The following ADARB2 variants were observed in gnomAD, a reference collection of about 807,000 sequenced individuals.
ADARB2 encodes adenosine deaminase RNA specific B2 (inactive).
ADARB2 carries 25 observed loss-of-function variants against 62.2 expected under a neutral mutation model. The observed-to-expected ratio is 0.40, with a 90% CI of 0.29 to 0.56. The LOEUF is 0.56. Ranked by LOEUF, ADARB2 falls within the 20% of genes least tolerant of loss-of-function variation. The probability of loss-of-function intolerance (pLI) is 0.43; values close to 1 mark genes in which losing one functional copy is unlikely to be tolerated. For synonymous variants in ADARB2, 572 were observed against 500.8 expected (o/e 1.14, Z -1.90); for missense variants, 1,071 against 1,077.4 (o/e 0.99, Z 0.08).
At chr10:1,710,697 C>CGGT (rs1834940074) in intron 1 of ADARB2, among the ~76,000 whole-genome samples, 2 of 152,214 alleles carry the variant, frequency 1.3e-5, no homozygotes, top group African/African-American at 4.8e-5. Flanking sequence ...CGAGGAATGC[C>CGGT]GTTGGGCACC....
intron 1 of ADARB2, among the ~76,000 whole-genome samples, chr10:1,651,904 A>G (rs925138198): frequency 3.9e-5 from 6 of 152,188 alleles, no homozygotes; most frequent in African/African-American, 1.4e-4. Flanking sequence ...AGAGACCGCT[A>G]TCTCCACTGG....
chr10:1,244,375 C>G (rs142804738), intron 4 of ADARB2, among the ~76,000 whole-genome samples: 8 of 152,260 alleles, frequency 5.3e-5, no homozygotes, highest in African/African-American at 1.9e-4. Flanking sequence ...CATGCAGTCT[C>G]TGGTGGAAAC....
In ADARB2 at chr10:1,638,535, C is replaced by A. The variant is rs528379047; in HGVS notation, c.100+98516G>T. 4.0e-4 allele frequency among the ~76,000 whole-genome samples: 61 copies of A among 151,272 alleles called. 1 individual carries two copies. In the South Asian group the frequency reaches 0.013, roughly 31 times the overall value. On this transcript the variant is annotated intron_variant, in intron 1 of 9. Coordinates refer to ENST00000381312, the MANE Select transcript of ADARB2 (RefSeq NM_018702.4). ...TTTTTTTTGGTCAGGCCAATTATAG[C>A]GAAGGATACATATTTCAGGTGAACC...
intron 1 of ADARB2, among the ~76,000 whole-genome samples, chr10:1,733,458 C>A (rs1366543816): frequency 1.3e-5 from 2 of 152,098 alleles, no homozygotes; most frequent in African/African-American, 4.8e-5. Context: ...ATAGACAAAG[C>A]AGAATATATG....
chr10:1,324,597 G>A (rs1249819766), intron 3 of ADARB2, among the ~76,000 whole-genome samples: 1 of 152,244 alleles, frequency 6.6e-6, no homozygotes, highest in African/African-American at 2.4e-5. Context: ...CTGGATGAGT[G>A]TGTGAAGAAT....
intron 8 of ADARB2, among the ~76,000 whole-genome samples, chr10:1,190,075 C>T (rs925144457): frequency 2.0e-5 from 3 of 152,102 alleles, no homozygotes; most frequent in African/African-American, 4.8e-5. Context: ...ACTCAGAAAA[C>T]GTGAGCATCA....
At chr10:1,643,799 A>C (rs1433647248) in intron 1 of ADARB2, among the ~76,000 whole-genome samples, 2 of 152,110 alleles carry the variant, frequency 1.3e-5, no homozygotes, top group East Asian at 3.9e-4. Context: ...TCTCTGCAGA[A>C]ACCCAATCCC....
intron 1 of ADARB2, among the ~76,000 whole-genome samples, chr10:1,544,645 T>A (rs1370292138): frequency 6.6e-6 from 1 of 152,090 alleles, no homozygotes; most frequent in Non-Finnish European, 1.5e-5. Flanking sequence ...GTACAGACCC[T>A]GCTCTTACGT....
chr10:1,430,029 G>A (rs1458515691), intron 1 of ADARB2, among the ~76,000 whole-genome samples: 2 of 152,170 alleles, frequency 1.3e-5, no homozygotes, highest in Non-Finnish European at 2.9e-5. Flanking sequence ...AGTAAAAATC[G>A]TGCTAAGTAT....
intron 1 of ADARB2, among the ~76,000 whole-genome samples, chr10:1,536,403 C>A (rs367916037): frequency 1.3e-5 from 2 of 152,200 alleles, no homozygotes; most frequent in African/African-American, 4.8e-5. Context: ...ACCACCAAAT[C>A]TATGGTATTT....
rs35539783 is a variant in ADARB2 at position 1,364,871 on chromosome 10, A to ATT, written c.188-956_188-955dup. ...TATGCCTCTGTGTCACATTTTGGTA[A>ATT]TTTTTTTTTTTTTTTTTTTGCGACG... On this transcript the variant is annotated intron_variant, in intron 2 of 9. Transcript: ENST00000381312. Among the ~76,000 whole-genome samples, 196 of 127,338 alleles carry ATT rather than the reference A, an allele frequency of 1.5e-3. 1 individual carries two copies. Among genetic ancestry groups the ATT allele is most frequent in the African/African-American group, 5.5e-3 (183 of 33,460 alleles). 83.5% of individuals were successfully genotyped at this position (127,338 alleles called of 152,430 possible).
intron 4 of ADARB2, among the ~76,000 whole-genome samples, chr10:1,260,412 C>A (rs903649036): frequency 1.3e-5 from 2 of 151,674 alleles, no homozygotes; most frequent in African/African-American, 4.8e-5. Context: ...CCCATTGTCT[C>A]AGCCCAAAAT....
chr10:1,377,544 C>T (rs1419739988), intron 2 of ADARB2, among the ~76,000 whole-genome samples: 1 of 151,760 alleles, frequency 6.6e-6, no homozygotes, highest in Non-Finnish European at 1.5e-5. Context: ...TGTGTGCACA[C>T]GTGCACATGT....
intron 4 of ADARB2, among the ~76,000 whole-genome samples, chr10:1,261,952 C>G (rs937932278): frequency 6.8e-5 from 10 of 148,058 alleles, no homozygotes; most frequent in Non-Finnish European, 1.2e-4. Context: ...CCATGGAATA[C>G]TATGCAGCCA....
At position 1,393,717 on chromosome 10, in the gene ADARB2, C is replaced by T. The variant is rs572536258; in HGVS notation, c.101-14557G>A. The stretch of plus-strand genomic sequence containing the variant: ...GCTAACCTTGGAAAAAGCTGAAACG[C>T]CAACACAGACACACACCAGATTGTT... On this transcript the variant is annotated intron_variant, in intron 1 of 9. Coordinates refer to ENST00000381312, the MANE Select transcript of ADARB2 (RefSeq NM_018702.4). 1.6e-3 allele frequency among the ~76,000 whole-genome samples: 246 copies of T among 152,292 alleles called. 1 individual carries two copies. Among genetic ancestry groups the T allele is most frequent in the African/African-American group, 5.8e-3 (240 of 41,544 alleles).
intron 1 of ADARB2, among the ~76,000 whole-genome samples, chr10:1,685,364 T>G (rs1429451486): frequency 6.6e-6 from 1 of 152,216 alleles, no homozygotes; most frequent in South Asian, 2.1e-4. Flanking sequence ...GCAACACGAA[T>G]GACTCCATAC....
At chr10:1,689,908 TA>T (rs930514390) in intron 1 of ADARB2, among the ~76,000 whole-genome samples, 1 of 152,246 alleles carries the variant, frequency 6.6e-6, no homozygotes, top group Non-Finnish European at 1.5e-5. Flanking sequence ...CTGAGAAATT[TA>T]AAAAATCGTA....
At chr10:1,188,586 CCTT>C (rs922503760) in intron 8 of ADARB2, among the ~76,000 whole-genome samples, 1 of 148,674 alleles carries the variant, frequency 6.7e-6, no homozygotes, top group African/African-American at 2.5e-5. Flanking sequence ...GAATAGCAGT[CCTT>C]TTTTTTTTTT....
intron 6 of ADARB2, among the ~76,000 whole-genome samples, chr10:1,220,438 G>A (rs1399751835): frequency 2.0e-5 from 3 of 152,054 alleles, no homozygotes; most frequent in Non-Finnish European, 4.4e-5. Flanking sequence ...TGATGGTGGT[G>A]ATGATAAATT....
Sources: gnomAD v4.1 joint callset for allele counts (sites outside exome capture counted in the v4.1 genomes callset) on GRCh38, gnomAD v4.1.1 for gene constraint, MANE v1.5 for transcripts, NCBI Gene and HGNC (gene_info 2026-07-23, HGNC 2026-07-21) for gene names.